The following ANO4 variants were observed in gnomAD, a reference collection of about 807,000 sequenced individuals.
ANO4 encodes the protein anoctamin 4.
Under a neutral mutation model 141.9 loss-of-function variants are expected in ANO4, and 69 were observed. The observed-to-expected ratio is 0.49, with a 90% confidence interval of 0.40 to 0.59. The LOEUF is 0.59. Ranked by LOEUF, ANO4 falls within the 20% of genes least tolerant of loss-of-function variation. The pLI, the probability that ANO4 is intolerant of heterozygous loss-of-function variation, is 0.00. For synonymous variants in ANO4, 350 were observed against 394.3 expected (o/e 0.89, Z 1.33); for missense variants, 894 against 1,162.2 (o/e 0.77, Z 3.36).
At chr12:101,024,406 A>G (rs1267169943) in intron 9 of ANO4, among the ~76,000 whole-genome samples, 1 of 151,968 alleles carries the variant, frequency 6.6e-6, no homozygotes, top group African/African-American at 2.4e-5. Flanking sequence ...GATCAGCCTG[A>G]CCAACGTGGT....
exon 3 of ANO4, chr12:100,739,881 T>C: frequency 1.4e-6 from 1 of 702,552 alleles, no homozygotes; most frequent in Non-Finnish European, 2.6e-6. Flanking sequence ...CCTGTGGCAA[T>C]TGGGCTTACC....
Position 100,984,133 on chromosome 12 carries a change from A to G in ANO4, c.603-3406A>G, listed in dbSNP as rs138612702. Among the ~76,000 whole-genome samples, 493 of 152,226 alleles carry G rather than the reference A, an allele frequency of 3.2e-3. 3 individuals carry two copies. Among genetic ancestry groups the G allele is most frequent in the African/African-American group, 0.011 (473 of 41,542 alleles). ...TATTTATGACACGGAGTCTTACTCT[A>G]TCTCCCAGGCTGAAGTACAATGGTG... On this transcript the variant is annotated intron_variant, in intron 7 of 27. Coordinates refer to ENST00000392977, the MANE Select transcript of ANO4 (RefSeq NM_001286615.2).
chr12:101,080,883 T>TTATATATATATATATATATATATA (rs1463149041), intron 15 of ANO4, among the ~76,000 whole-genome samples: 1 of 74,072 alleles, frequency 1.4e-5, no homozygotes, highest in Non-Finnish European at 3.0e-5. Context: ...TATATATATA[T>TTATATATATATATATATATATATA]TATATATATA....
At chr12:100,762,406 T>C (rs866459197) in intron 3 of ANO4, among the ~76,000 whole-genome samples, 38 of 152,286 alleles carry the variant, frequency 2.5e-4, no homozygotes, top group Admixed American at 6.5e-4. Context: ...ACCACTGATA[T>C]GTGCTGGTCC....
chr12:101,003,212 T>TA (rs1483185084), intron 8 of ANO4, among the ~76,000 whole-genome samples: 1 of 152,244 alleles, frequency 6.6e-6, no homozygotes, highest in African/African-American at 2.4e-5. Flanking sequence ...GGTTTATTTA[T>TA]AGCTCACATA....
intron 17 of ANO4, 53 bp from the exon 18 acceptor site, chr12:101,094,203 G>T (rs953033691): frequency 3.5e-6 from 5 of 1,426,500 alleles, no homozygotes; most frequent in Non-Finnish European, 3.9e-6. Flanking sequence ...TGTGATTATA[G>T]ATTTTATAAT....
intron 1 of ANO4, among the ~76,000 whole-genome samples, chr12:100,864,840 C>T (rs1205796356): frequency 1.3e-5 from 2 of 152,146 alleles, no homozygotes; most frequent in African/African-American, 4.8e-5. Context: ...CTCCCCTAAC[C>T]CCCGACACCC....
chr12:101,012,372 A>G (rs959151309), intron 8 of ANO4, among the ~76,000 whole-genome samples: 3 of 152,176 alleles, frequency 2.0e-5, no homozygotes, highest in Non-Finnish European at 4.4e-5. Flanking sequence ...AATGAGTGAC[A>G]GAGTGAGAGA....
At chr12:101,126,064 ATTTTC>A (rs1030480642) in intron 26 of ANO4, among the ~76,000 whole-genome samples, 8 of 152,244 alleles carry the variant, frequency 5.3e-5, no homozygotes, top group African/African-American at 1.9e-4. Flanking sequence ...AGAATTTTCC[ATTTTC>A]TTTTAATATT....
chr12:100,857,813 AATAACCTAC>A (rs2038260676), intron 1 of ANO4, among the ~76,000 whole-genome samples: 1 of 152,178 alleles, frequency 6.6e-6, no homozygotes, highest in East Asian at 1.9e-4. Context: ...AAAATTATAA[AATAACCTAC>A]ATCACTCTGA....
At chr12:101,033,865 G>A (rs1367001016) in intron 9 of ANO4, among the ~76,000 whole-genome samples, 1 of 152,144 alleles carries the variant, frequency 6.6e-6, no homozygotes, top group East Asian at 1.9e-4. Flanking sequence ...AGACATACAT[G>A]CAGCCAACAA....
chr12:100,761,066 A>G (rs1218314337), intron 3 of ANO4, among the ~76,000 whole-genome samples: 1 of 152,146 alleles, frequency 6.6e-6, no homozygotes, highest in Non-Finnish European at 1.5e-5. Context: ...CTAGCCATTA[A>G]CGGCAAAGCC....
In ANO4 at chr12:100,877,148, T is replaced by G. The variant is rs538032210; in HGVS notation, c.-140-24498T>G. Among the ~76,000 whole-genome samples, 75 of 152,128 alleles carry G rather than the reference T, an allele frequency of 4.9e-4. 1 individual carries two copies. Among genetic ancestry groups the G allele is most frequent in the Non-Finnish European group, 9.7e-4 (66 of 68,018 alleles). On this transcript the variant is annotated intron_variant, in intron 1 of 27. Coordinates refer to ENST00000392977, the MANE Select transcript of ANO4 (RefSeq NM_001286615.2). ...GGGACGGATAAAGGAGAGCTGTTGT[T>G]CAACGGGCACAAAGTTTTGGTGAGA...
intron 5 of ANO4, among the ~76,000 whole-genome samples, chr12:100,952,415 C>T (rs184795072): frequency 4.6e-4 from 70 of 152,292 alleles, no homozygotes; most frequent in Non-Finnish European, 8.2e-4. Context: ...ACAGCTTTAA[C>T]GCATGGCTGT....
At chr12:101,101,436 A>T (rs181532115) in intron 22 of ANO4, among the ~76,000 whole-genome samples, 1 of 152,128 alleles carries the variant, frequency 6.6e-6, no homozygotes, top group Admixed American at 6.5e-5. Flanking sequence ...TTTGTCTTTG[A>T]CACCCACCCT....
chr12:100,806,734 G>A (rs1006093344), intron 1 of ANO4, among the ~76,000 whole-genome samples: 2 of 151,082 alleles, frequency 1.3e-5, no homozygotes, highest in Admixed American at 6.6e-5. Flanking sequence ...TAGTAGAGAC[G>A]GGGTTTCACC....
chr12:100,966,095 C>T (rs534765138), intron 5 of ANO4, among the ~76,000 whole-genome samples: 5 of 152,166 alleles, frequency 3.3e-5, no homozygotes, highest in African/African-American at 7.2e-5. Flanking sequence ...TCTGGTGGTT[C>T]GGGCTTGTCA....
chr12:101,026,607 A>G (rs553526700), intron 9 of ANO4, among the ~76,000 whole-genome samples: 158 of 152,298 alleles, frequency 1.0e-3, no homozygotes, highest in African/African-American at 3.4e-3. Context: ...ACAAAAAGTC[A>G]AGTCTTTGAC....
At chr12:100,756,515 A>G (rs1009943889) in intron 3 of ANO4, among the ~76,000 whole-genome samples, 2 of 151,844 alleles carry the variant, frequency 1.3e-5, no homozygotes, top group East Asian at 3.9e-4. Context: ...ACGTCTGGCT[A>G]ATTTTTGTAT....
Sources: gnomAD v4.1 joint callset for allele counts (sites outside exome capture counted in the v4.1 genomes callset) on GRCh38, gnomAD v4.1.1 for gene constraint, MANE v1.5 for transcripts, NCBI Gene and HGNC (gene_info 2026-07-23, HGNC 2026-07-21) for gene names.